NAV3: variants seen among roughly 807,000 people sequenced by gnomAD.
NAV3 encodes pore membrane and/or filament interacting like protein 1.
Under a neutral mutation model 244.7 loss-of-function variants are expected in NAV3, and 87 were observed. The observed-to-expected ratio is 0.36, with a 90% CI of 0.30 to 0.42. The LOEUF is 0.42. Ranked by LOEUF, NAV3 falls within the 20% of genes least tolerant of loss-of-function variation. The probability of loss-of-function intolerance (pLI) is 1.00; values close to 1 mark genes in which losing one functional copy is unlikely to be tolerated. For synonymous variants in NAV3, 1,126 were observed against 1,042.2 expected (o/e 1.08, Z -1.55); for missense variants, 2,663 against 2,893.3 (o/e 0.92, Z 1.83).
At chr12:78,176,587 G>T in intron 26 of NAV3, 128 bp downstream of exon 26, 4 of 850,392 alleles carry the variant, frequency 4.7e-6, no homozygotes, top group Non-Finnish European at 5.5e-6. Context: ...TCTTTTCTTT[G>T]TGTCTTTTCA....
chr12:77,616,103 T>C (rs1871133715), intron 2 of NAV3, among the ~76,000 whole-genome samples: 2 of 152,128 alleles, frequency 1.3e-5, no homozygotes, highest in African/African-American at 4.8e-5. Flanking sequence ...TATATCGTAT[T>C]CAGACATAAG....
chr12:77,643,001 C>G (rs1872479761), intron 2 of NAV3, among the ~76,000 whole-genome samples: 1 of 151,956 alleles, frequency 6.6e-6, no homozygotes, highest in Admixed American at 6.6e-5. Flanking sequence ...CTTTTCCAAA[C>G]TTTCTATATC....
chr12:77,733,834 ATTTTTTT>A lies in NAV3; in HGVS notation c.72+161585_72+161591del, dbSNP rs56770236. Among the ~76,000 whole-genome samples, 479 of 124,182 alleles carry A rather than the reference ATTTTTTT, an allele frequency of 3.9e-3. 3 individuals are homozygous for A. Among genetic ancestry groups the A allele is most frequent in the African/African-American group, 0.013 (427 of 32,318 alleles). 81.5% of individuals were successfully genotyped at this position (124,182 alleles called of 152,430 possible). A position where few individuals can be genotyped will look rare whatever the true frequency, so the allele number is the denominator to read the frequency against. ...GCAAGCCCTAATTGACTTGGTTTAG[ATTTTTTT>A]TTTTTTTTTTTTTTTTGCAAGAGGT... On this transcript the variant is annotated intron_variant, in intron 2 of 8. Coordinates refer to the NAV3 transcript ENST00000550042.
intron 3 of NAV3, 133 bp downstream of exon 3, chr12:77,941,266 T>C (rs550819083): frequency 1.3e-5 from 8 of 616,102 alleles, no homozygotes; most frequent in African/African-American, 1.1e-4. Context: ...TTCTCTCATA[T>C]GTATTTGTGT....
At chr12:77,705,848 G>A (rs1875774401) in intron 2 of NAV3, among the ~76,000 whole-genome samples, 1 of 151,342 alleles carries the variant, frequency 6.6e-6, no homozygotes, top group Non-Finnish European at 1.5e-5. Context: ...GATTACAGGT[G>A]ATTTTTTTTC....
At position 77,778,008 on chromosome 12, in the gene NAV3, G is replaced by A. The variant is rs574606307; in HGVS notation, c.73-162311G>A. Among the ~76,000 whole-genome samples the A allele has an allele frequency of 3.9e-5, 6 of 152,118 alleles. No homozygotes were observed. The South Asian group carries it at 1.2e-3, about 32-fold the overall frequency. ...CTTAGTAGAGACAGGGTTTCACCATGTTGGTCAGGCTGGTTTCAAACTCCC... is the reference window on the plus strand; with the variant it reads ...CTTAGTAGAGACAGGGTTTCACCATATTGGTCAGGCTGGTTTCAAACTCCC... On this transcript the variant is annotated intron_variant, in intron 2 of 8. Coordinates refer to the NAV3 transcript ENST00000550042.
At chr12:77,984,892 C>T (rs1870209451) in intron 5 of NAV3, among the ~76,000 whole-genome samples, 1 of 152,106 alleles carries the variant, frequency 6.6e-6, no homozygotes, top group African/African-American at 2.4e-5. Flanking sequence ...TCTCAGCTCA[C>T]TGCAACTCCC....
chr12:77,724,868 G>A (rs1245789583), intron 2 of NAV3, among the ~76,000 whole-genome samples: 2 of 151,950 alleles, frequency 1.3e-5, no homozygotes, highest in Admixed American at 1.3e-4. Flanking sequence ...GAAAGTTTAT[G>A]TTCTGTGCTA....
chr12:78,121,155 T>A (rs956751306), intron 15 of NAV3, among the ~76,000 whole-genome samples: 1 of 152,242 alleles, frequency 6.6e-6, no homozygotes, highest in African/African-American at 2.4e-5. Flanking sequence ...ACTCAATTAG[T>A]AATCATTATG....
intron 17 of NAV3, 116 bp downstream of exon 17, chr12:78,127,324 CA>C (rs1203519468): frequency 1.3e-4 from 132 of 1,035,780 alleles, no homozygotes; most frequent in Non-Finnish European, 3.2e-5. Context: ...AGGACGAAAT[CA>C]CTTTTAATTT....
chr12:77,979,235 A>G (rs1325350123), intron 5 of NAV3, among the ~76,000 whole-genome samples: 1 of 151,144 alleles, frequency 6.6e-6, no homozygotes, highest in African/African-American at 2.4e-5. Context: ...AAAAAAAAAA[A>G]AAAAAAGTTA....
At chr12:77,863,223 G>T (rs1879513217) in intron 1 of NAV3, among the ~76,000 whole-genome samples, 1 of 151,872 alleles carries the variant, frequency 6.6e-6, no homozygotes, top group Non-Finnish European at 1.5e-5. Context: ...TTCTGCCATA[G>T]ATATGCGGAT....
intron 20 of NAV3, among the ~76,000 whole-genome samples, chr12:78,141,465 G>A (rs449088): frequency 0.34 from 50,928 of 151,926 alleles, 8,824 homozygotes; most frequent in East Asian, 0.48. Flanking sequence ...GGTTCATGAA[G>A]AGTTCATAGC....
chr12:77,583,880 G>A (rs1490531588), intron 2 of NAV3, among the ~76,000 whole-genome samples: 1 of 152,004 alleles, frequency 6.6e-6, no homozygotes, highest in Non-Finnish European at 1.5e-5. Context: ...TTCTCTTCCA[G>A]ACATATTGAC....
intron 12 of NAV3, among the ~76,000 whole-genome samples, chr12:78,113,672 G>A (rs1955222464): frequency 1.3e-5 from 2 of 152,244 alleles, no homozygotes; most frequent in South Asian, 4.1e-4. Context: ...TCCCTCCTAG[G>A]CTTCTGGGCC....
At chr12:77,706,320 C>T (rs989181171) in intron 2 of NAV3, among the ~76,000 whole-genome samples, 1 of 151,322 alleles carries the variant, frequency 6.6e-6, no homozygotes, top group Non-Finnish European at 1.5e-5. Context: ...TCTAGGAGTA[C>T]ATACTATATT....
intron 2 of NAV3, among the ~76,000 whole-genome samples, chr12:77,754,118 GA>G (rs1306180747): frequency 6.6e-6 from 1 of 152,084 alleles, no homozygotes; most frequent in Non-Finnish European, 1.5e-5. Flanking sequence ...CCTCTCCAAA[GA>G]AATCACAGGC....
chr12:78,132,590 C>G (rs960176964), intron 18 of NAV3, among the ~76,000 whole-genome samples: 2 of 152,128 alleles, frequency 1.3e-5, no homozygotes, highest in African/African-American at 2.4e-5. Context: ...AATAATTGTT[C>G]CAGGTATTAG....
intron 31 of NAV3, among the ~76,000 whole-genome samples, chr12:78,187,939 A>C (rs1527092): frequency 0.028 from 4,321 of 152,012 alleles, 165 homozygotes; most frequent in Admixed American, 0.12. Flanking sequence ...GTATTCTTTC[A>C]GATTCCTTCA....
Sources: gnomAD v4.1 joint callset for allele counts (sites outside exome capture counted in the v4.1 genomes callset) on GRCh38, gnomAD v4.1.1 for gene constraint, MANE v1.5 for transcripts, NCBI Gene and HGNC (gene_info 2026-07-23, HGNC 2026-07-21) for gene names.